The following TENM4 variants were observed in gnomAD, a reference collection of about 807,000 sequenced individuals.
The protein encoded by TENM4 is teneurin-4.
A neutral mutation model predicts 243.3 loss-of-function variants in TENM4; 82 were observed. That is an observed-to-expected ratio of 0.34 (90% CI 0.28 to 0.40). The LOEUF (loss-of-function observed/expected upper bound fraction) is 0.40. TENM4 is among the 10% of genes least tolerant of loss of function. The pLI, the probability that TENM4 is intolerant of heterozygous loss-of-function variation, is 1.00. For synonymous variants in TENM4, 1,412 were observed against 1,456.3 expected, an observed-to-expected ratio of 0.97 and a Z score of 0.69; for missense variants, 3,138 against 3,673.3, an observed-to-expected ratio of 0.85 and a Z score of 3.77.
intron 6 of TENM4, chr11:78,962,289 G>T: frequency 7.1e-6 from 1 of 140,156 alleles, no homozygotes; most frequent in Non-Finnish European, 1.6e-5. Context: ...CGGAGGGGAG[G>T]GGGGCGGGGA....
intron 10 of TENM4, among the ~76,000 whole-genome samples, chr11:78,861,582 G>A (rs1858820779): frequency 6.6e-6 from 1 of 152,188 alleles, no homozygotes; most frequent in Admixed American, 6.5e-5. Context: ...GTGGGCAGGG[G>A]TTCTGTGTGG....
intron 25 of TENM4, among the ~76,000 whole-genome samples, chr11:78,714,012 C>T (rs1195695087): frequency 3.9e-5 from 6 of 152,112 alleles, no homozygotes; most frequent in African/African-American, 4.8e-5. Context: ...CTGTTTGGAC[C>T]GGATGGTCTG....
chr11:79,108,317 A>T (rs1296671357), intron 4 of TENM4, among the ~76,000 whole-genome samples: 1 of 152,186 alleles, frequency 6.6e-6, no homozygotes, highest in African/African-American at 2.4e-5. Flanking sequence ...TAAGAGCAAA[A>T]ACTGAGGTTT....
intron 6 of TENM4, among the ~76,000 whole-genome samples, chr11:78,958,310 A>G (rs1442270129): frequency 2.0e-5 from 3 of 152,378 alleles, no homozygotes. Context: ...CCTTTGCTTT[A>G]GAATTTAGAT....
chr11:79,215,946 G>A, intron 2 of TENM4, 37 bp from the exon 3 acceptor site: 7 of 790,558 alleles, frequency 8.9e-6, no homozygotes, highest in Non-Finnish European at 1.1e-5. Context: ...ACTGAGTGAG[G>A]TGGCAAGATG....
At chr11:79,301,826 G>GGAGCAGGCT (rs1273399385) in intron 1 of TENM4, among the ~76,000 whole-genome samples, 8 of 152,166 alleles carry the variant, frequency 5.3e-5, no homozygotes, top group African/African-American at 1.9e-4. Flanking sequence ...CTCCAGTCAT[G>GGAGCAGGCT]TGAAGTATCG....
chr11:79,034,415 C>T lies in TENM4; in HGVS notation c.493+30323G>A, dbSNP rs765485928. Among the ~76,000 whole-genome samples, 431 of 152,134 alleles carry T rather than the reference C, an allele frequency of 2.8e-3. 2 individuals carry two copies. Among genetic ancestry groups the T allele is most frequent in the Non-Finnish European group, 9.3e-4 (63 of 67,994 alleles). On this transcript the variant is annotated intron_variant, in intron 6 of 33. Coordinates refer to ENST00000278550, the MANE Select transcript of TENM4 (RefSeq NM_001098816.3). The stretch of plus-strand genomic sequence containing the variant: ...ATGCTATTCTGCTGCCTTATGAAGG[C>T]GCAATCCTTATTAACCTCCAGCACT...
At chr11:78,994,420 G>T (rs1361629664) in intron 6 of TENM4, among the ~76,000 whole-genome samples, 2 of 152,232 alleles carry the variant, frequency 1.3e-5, no homozygotes, top group Middle Eastern at 3.4e-3. Flanking sequence ...ATTTGTCAAT[G>T]GCCCTAAACT....
chr11:78,932,385 TGGCCTCC>T (rs1385389818), intron 6 of TENM4, among the ~76,000 whole-genome samples: 1 of 152,190 alleles, frequency 6.6e-6, no homozygotes, highest in East Asian at 1.9e-4. Context: ...GATGATGCTG[TGGCCTCC>T]GATTTGCCCT....
rs190338703 is a variant in TENM4, at chr11:78,825,187, A to G, written c.1682-10792T>C. ...GCCTTTAGAGTCACTACACCGGTCT[A>G]GGTCTGAATTCCAACCGTGTGACTT... On this transcript the variant is annotated intron_variant, in intron 12 of 33. Coordinates refer to ENST00000278550, the MANE Select transcript of TENM4 (RefSeq NM_001098816.3). Among the ~76,000 whole-genome samples, 15 of 152,354 alleles carry G rather than the reference A, an allele frequency of 9.8e-5. No individual in the cohort carries two copies. The East Asian group carries it at 2.7e-3, about 27-fold the overall frequency.
chr11:78,908,318 T>C (rs1045313771), intron 6 of TENM4, among the ~76,000 whole-genome samples: 36 of 152,200 alleles, frequency 2.4e-4, no homozygotes, highest in Admixed American at 6.5e-5. Flanking sequence ...CCTTATAGGA[T>C]TGTTATGAGA....
At chr11:78,923,136 G>A (rs1428302397) in intron 6 of TENM4, among the ~76,000 whole-genome samples, 3 of 152,146 alleles carry the variant, frequency 2.0e-5, no homozygotes, top group Admixed American at 1.3e-4. Context: ...TCTGTGGTGA[G>A]GGCCAGATTC....
chr11:78,825,705 T>G (rs1244977200), intron 12 of TENM4, among the ~76,000 whole-genome samples: 1 of 152,202 alleles, frequency 6.6e-6, no homozygotes, highest in Non-Finnish European at 1.5e-5. Flanking sequence ...TACAGGCTTT[T>G]GAAATGCAAA....
chr11:79,157,976 G>A (rs1053127809), intron 3 of TENM4, among the ~76,000 whole-genome samples: 10 of 152,248 alleles, frequency 6.6e-5, no homozygotes, highest in African/African-American at 1.2e-4. Flanking sequence ...GGGCAGAATC[G>A]TCCTCATTCC....
chr11:79,327,060 G>A (rs1019937698), intron 1 of TENM4, among the ~76,000 whole-genome samples: 30 of 152,174 alleles, frequency 2.0e-4, no homozygotes, highest in Non-Finnish European at 2.1e-4. Flanking sequence ...TGAACTGAGT[G>A]ATACTCAGGA....
At chr11:79,246,601 C>A (rs916593954) in intron 2 of TENM4, among the ~76,000 whole-genome samples, 1 of 152,180 alleles carries the variant, frequency 6.6e-6, no homozygotes, top group African/African-American at 2.4e-5. Context: ...CACACTGGAA[C>A]TATCCACAAT....
At chr11:79,264,537 T>C (rs531581955) in intron 2 of TENM4, among the ~76,000 whole-genome samples, 4 of 152,198 alleles carry the variant, frequency 2.6e-5, no homozygotes, top group Admixed American at 2.6e-4. Flanking sequence ...TCCTGAATAT[T>C]CAAGGAAGGT....
chr11:79,186,892 G>A (rs951076495), intron 3 of TENM4, among the ~76,000 whole-genome samples: 6 of 152,062 alleles, frequency 3.9e-5, no homozygotes, highest in African/African-American at 9.7e-5. Context: ...ACAGCCCCTC[G>A]GAGCCCGATT....
intron 9 of TENM4, among the ~76,000 whole-genome samples, chr11:78,880,131 A>C (rs944004306): frequency 4.6e-5 from 7 of 152,032 alleles, no homozygotes; most frequent in Non-Finnish European, 1.0e-4. Context: ...CTACCTTGGG[A>C]TGCTGTTAAT....
Sources: gnomAD v4.1 joint callset for allele counts (sites outside exome capture counted in the v4.1 genomes callset) on GRCh38, gnomAD v4.1.1 for gene constraint, MANE v1.5 for transcripts, NCBI Gene and HGNC (gene_info 2026-07-23, HGNC 2026-07-21) for gene names.